The following XYLB variants were observed in gnomAD, a reference collection of about 807,000 sequenced individuals.
XYLB encodes xylulose kinase.
In XYLB, 62 loss-of-function variants were observed where a neutral mutation model predicts 78.7. The ratio of observed to expected loss-of-function variants is 0.79; its 90% CI spans 0.64 to 0.97. The LOEUF is 0.97. Among genes scored for constraint, XYLB ranks in the 50% least tolerant of loss-of-function variants. The pLI is 0.00. For synonymous variants in XYLB, 245 were observed against 247.4 expected (o/e 0.99, Z 0.09); for missense variants, 687 against 676.8 (o/e 1.02, Z -0.17).
At chr3:38,433,259 C>A in the XYLB span, among the ~76,000 whole-genome samples, 2 of 152,246 alleles carry the variant, frequency 1.3e-5, no homozygotes, top group African/African-American at 2.4e-5. Context: ...CTGCACACAA[C>A]AAAGAGGGCC....
At chr3:38,404,519 A>G (rs1282380040) in intron 18 of XYLB, among the ~76,000 whole-genome samples, 1 of 152,186 alleles carries the variant, frequency 6.6e-6, no homozygotes. Context: ...ATCAGTTGTT[A>G]AAATACTTGG....
chr3:38,446,946 GCAAAGCAAAAGAAA>G, the XYLB span, among the ~76,000 whole-genome samples: 1 of 152,168 alleles, frequency 6.6e-6, no homozygotes, highest in Non-Finnish European at 1.5e-5. Flanking sequence ...AAAGGCTTCT[GCAAAGCAAAAGAAA>G]CAATCAACAG....
In XYLB at chr3:38,365,720, G is replaced by T; in HGVS notation, c.491G>T (p.Gly164Val). 8 of 1,613,364 alleles carry T rather than the reference G, an allele frequency of 5.0e-6. No homozygotes were observed. Among genetic ancestry groups the T allele is most frequent in the African/African-American group, 1.3e-5 (1 of 75,070 alleles). Reference sequence around the variant, plus strand: ...GCTCAGGCTCTCAGCTGCCTCACGGGGTCCCGTGCCTATGAGGTAGGCTGA... The same window carrying T: ...GCTCAGGCTCTCAGCTGCCTCACGGTGTCCCGTGCCTATGAGGTAGGCTGA... ...GGAQALSCLT[G>V]SRAYERFTGN... The change falls in exon 6 of 19, where the codon GGG becomes GTG. Residue 164 changes from glycine (G) to valine (V), a missense_variant. By Grantham distance (109) the Gly-to-Val change is moderately radical. Transcript: ENST00000207870.
At chr3:38,405,747 C>A (rs1440199044) in intron 18 of XYLB, among the ~76,000 whole-genome samples, 1 of 152,252 alleles carries the variant, frequency 6.6e-6, no homozygotes, top group African/African-American at 2.4e-5. Context: ...GCACCTGGCT[C>A]AGAGGGTCCT....
chr3:38,414,622 C>T lies in XYLB; in HGVS notation c.*1609C>T, dbSNP rs938091473. The T allele has an allele frequency of 6.6e-6, 1 of 152,104 alleles. No individual in the cohort carries two copies. Among genetic ancestry groups the T allele is most frequent in the African/African-American group, 2.4e-5 (1 of 41,416 alleles). 9.4% of individuals were successfully genotyped at this position (152,104 alleles called of 1,614,324 possible). On this transcript the variant is annotated 3_prime_UTR_variant, in exon 19 of 19. Transcript: ENST00000207870. ...ACTCAGAATAAAAATGAAAAAGCTA[C>T]AAGCATATATGAGAAGAGAACTGAC...
At chr3:38,416,487 T>C (rs1007900034), downstream of XYLB, among the ~76,000 whole-genome samples, 3 of 152,186 alleles carry the variant, frequency 2.0e-5, no homozygotes, top group Admixed American at 6.6e-5. Context: ...AGTCCAAGCA[T>C]ATAAGTTAAA....
rs775594212 is a variant in XYLB, at chr3:38,346,877, G to C, written c.9G>C (p.Glu3Asp). The C allele has an allele frequency of 2.0e-6, 3 of 1,520,958 alleles. No homozygotes were observed. Among genetic ancestry groups the C allele is most frequent in the South Asian group, 2.5e-5 (2 of 80,942 alleles). The allele number at this position is 1,520,958 out of a possible 1,614,324, so 94.2% of individuals were successfully genotyped here. MAEHAPRRCCLGW... is the reference protein window; with the variant it reads MADHAPRRCCLGW... Reference sequence around the variant, plus strand: ...GCCTTACCCGAAAGGCCATGGCGGAGCACGCCCCTCGCCGCTGCTGCCTGG... The same window carrying C: ...GCCTTACCCGAAAGGCCATGGCGGACCACGCCCCTCGCCGCTGCTGCCTGG... Residue 3 changes from glutamate to aspartate, a missense_variant, in exon 1 of 19, where the codon GAG (glutamate) becomes GAC (aspartate). Glu to Asp is a conservative substitution (Grantham distance 45). Coordinates refer to ENST00000207870, the MANE Select transcript of XYLB (RefSeq NM_005108.4).
intron 17 of XYLB, among the ~76,000 whole-genome samples, chr3:38,400,376 AG>A (rs1708072139): frequency 1.3e-5 from 2 of 152,326 alleles, no homozygotes; most frequent in Admixed American, 1.3e-4. Flanking sequence ...CTGAGCGCTA[AG>A]GAGGGCCTCC....
At chr3:38,369,954 C>T in intron 8 of XYLB, 102 bp from the exon 9 acceptor site, 2 of 963,682 alleles carry the variant, frequency 2.1e-6, no homozygotes, top group South Asian at 1.4e-5. Flanking sequence ...GCTCCAGGTA[C>T]AAGTTGTGGC....
the XYLB span, among the ~76,000 whole-genome samples, chr3:38,446,708 G>A: frequency 2.6e-5 from 4 of 152,118 alleles, no homozygotes; most frequent in African/African-American, 7.2e-5. Flanking sequence ...GGAAAATTGG[G>A]TAGTCACATG....
Position 38,352,510 on chromosome 3 carries a change from A to G in XYLB, c.140+3878A>G, listed in dbSNP as rs1705420718. 2.6e-5 allele frequency among the ~76,000 whole-genome samples: 4 copies of G among 152,192 alleles called. No homozygotes were observed. In the South Asian group the frequency reaches 6.2e-4, roughly 24 times the overall value. Reference sequence around the variant, plus strand: ...TTCATACCTTCCTATATTTCCATGTAAAAACACTGGAAGGAGCCTGGCACA... The same window carrying G: ...TTCATACCTTCCTATATTTCCATGTGAAAACACTGGAAGGAGCCTGGCACA... On this transcript the variant is annotated intron_variant, in intron 2 of 18. Coordinates refer to ENST00000207870, the MANE Select transcript of XYLB (RefSeq NM_005108.4).
At chr3:38,436,833 A>G in the XYLB span, among the ~76,000 whole-genome samples, 1 of 151,686 alleles carries the variant, frequency 6.6e-6, no homozygotes, top group South Asian at 2.1e-4. Flanking sequence ...GTGAAAACCC[A>G]TCTCTACTAA....
intron 15 of XYLB, among the ~76,000 whole-genome samples, chr3:38,383,010 G>A (rs1707223302): frequency 6.6e-6 from 1 of 152,186 alleles, no homozygotes. Flanking sequence ...TTCTTGCCCA[G>A]ACATCATCTC....
the XYLB span, among the ~76,000 whole-genome samples, chr3:38,437,040 A>ATAATAATAG: frequency 1.4e-5 from 2 of 147,840 alleles, no homozygotes; most frequent in African/African-American, 4.9e-5. Flanking sequence ...AATAATAATA[A>ATAATAATAG]TAATAACAAA....
intron 15 of XYLB, among the ~76,000 whole-genome samples, chr3:38,383,101 A>T: frequency 6.6e-6 from 1 of 152,226 alleles, no homozygotes; most frequent in East Asian, 1.9e-4. Context: ...AGCTGCCAGC[A>T]TTTGTTGGGC....
chr3:38,372,362 A>G lies in XYLB; in HGVS notation c.766-293A>G, dbSNP rs137960779. Reference sequence around the variant, plus strand: ...AATTTGGAGCTTATAAAGCAAGCACAAGTTAGGGGTTGGTTTGTTCTCTCT... The same window carrying G: ...AATTTGGAGCTTATAAAGCAAGCACGAGTTAGGGGTTGGTTTGTTCTCTCT... On this transcript the variant is annotated intron_variant, in intron 9 of 18. Transcript: ENST00000207870. 5.1e-3 allele frequency: 4,985 copies of G among 984,838 alleles called. 13 individuals carry two copies. Among genetic ancestry groups the G allele is most frequent in the Non-Finnish European group, 5.7e-3 (4,724 of 829,614 alleles). The allele number at this position is 984,838 out of a possible 1,614,324, so 61.0% of individuals were successfully genotyped here.
chr3:38,430,382 G>A, the XYLB span, among the ~76,000 whole-genome samples: 1 of 152,122 alleles, frequency 6.6e-6, no homozygotes, highest in Non-Finnish European at 1.5e-5. Context: ...CATATCCTTT[G>A]CCCACTTTTT....
intron 4 of XYLB, among the ~76,000 whole-genome samples, chr3:38,364,780 T>C (rs1027332570): frequency 2.6e-5 from 4 of 152,100 alleles, no homozygotes; most frequent in African/African-American, 9.7e-5. Context: ...GCCTGAAGAA[T>C]AGGGATGAAA....
At chr3:38,398,967 GGTTGCAGTGAGCT>G (rs1445785597) in intron 17 of XYLB, among the ~76,000 whole-genome samples, 2 of 151,886 alleles carry the variant, frequency 1.3e-5, no homozygotes, top group African/African-American at 4.8e-5. Flanking sequence ...GGGAGGCGGA[GGTTGCAGTGAGCT>G]GTTGCAGTGA....
Sources: gnomAD v4.1 joint callset for allele counts (sites outside exome capture counted in the v4.1 genomes callset) on GRCh38, gnomAD v4.1.1 for gene constraint, MANE v1.5 for transcripts, NCBI Gene and HGNC (gene_info 2026-07-23, HGNC 2026-07-21) for gene names.